The following SV2B variants were observed in gnomAD, a reference collection of about 807,000 sequenced individuals.
SV2B encodes synaptic vesicle glycoprotein 2B.
A neutral mutation model predicts 73.9 loss-of-function variants in SV2B; 41 were observed. The ratio of observed to expected loss-of-function variants is 0.56; its 90% CI spans 0.43 to 0.72. The LOEUF (loss-of-function observed/expected upper bound fraction) is 0.72, where lower values mean the gene tolerates loss of function less well. SV2B is among the 30% of genes least tolerant of loss of function. The pLI is 0.00. For missense variants in SV2B, 764 were observed against 857.8 expected, an observed-to-expected ratio of 0.89 and a Z score of 1.37; for synonymous variants, 314 against 314.2, an observed-to-expected ratio of 1.00 and a Z score of 0.01.
chr15:91,256,745 G>A (rs2047707140), intron 4 of SV2B, among the ~76,000 whole-genome samples: 1 of 152,204 alleles, frequency 6.6e-6, no homozygotes, highest in South Asian at 2.1e-4. Flanking sequence ...GGTCAAAGGT[G>A]TCCAAGGGAC....
intron 1 of SV2B, among the ~76,000 whole-genome samples, chr15:91,107,154 G>A (rs867749759): frequency 1.7e-4 from 26 of 152,130 alleles, no homozygotes; most frequent in Admixed American, 5.9e-4. Context: ...AATCCCAGAA[G>A]GAAGTGTGAG....
Position 91,290,699 on chromosome 15 carries a change from A to G in SV2B, c.1868+1019A>G, listed in dbSNP as rs182430891. 9.9e-4 allele frequency among the ~76,000 whole-genome samples: 151 copies of G among 152,344 alleles called. No homozygotes were observed. In the Middle Eastern group the frequency reaches 0.01, roughly 10 times the overall value. Reference sequence around the variant, plus strand: ...GTGAAACACTCAAATGAAGAAAACCATAAAGCTTTACTAAGAGATATAAAA... The same window carrying G: ...GTGAAACACTCAAATGAAGAAAACCGTAAAGCTTTACTAAGAGATATAAAA... On this transcript the variant is annotated intron_variant, in intron 12 of 12. Coordinates refer to ENST00000394232, the MANE Select transcript of SV2B (RefSeq NM_001323032.3). The surrounding 1 kb of genome is among the most constrained non-coding windows in gnomAD (Gnocchi z 4.7).
intron 2 of SV2B, among the ~76,000 whole-genome samples, chr15:91,237,968 G>T (rs900758271): frequency 6.6e-6 from 1 of 152,166 alleles, no homozygotes; most frequent in African/African-American, 2.4e-5. Context: ...AATGAGGGGA[G>T]TGTTGCTCAG....
At chr15:91,134,882 A>T (rs887724669) in intron 1 of SV2B, among the ~76,000 whole-genome samples, 1 of 151,898 alleles carries the variant, frequency 6.6e-6, no homozygotes, top group Non-Finnish European at 1.5e-5. Context: ...TTCTCAGCCT[A>T]CCTCTTTACC....
rs969614248 is a variant in SV2B, at chr15:91,121,856, G to A, written c.-392+21493G>A. On this transcript the variant is annotated intron_variant, in intron 1 of 12. Transcript: ENST00000394232. This position sits in a 1 kb window ranked among gnomAD's most constrained non-coding sequence, Gnocchi z 4.4. ...GTGGCGCGATCTCGGCTCACTGCAA[G>A]CTCTGCCTTCTGGGTTCACGCCATT... Among the ~76,000 whole-genome samples the A allele has an allele frequency of 2.0e-5, 3 of 150,808 alleles. No homozygotes were observed. Among genetic ancestry groups the A allele is most frequent in the East Asian group, 1.9e-4 (1 of 5,134 alleles).
intron 1 of SV2B, among the ~76,000 whole-genome samples, chr15:91,204,152 G>A (rs983756579): frequency 2.0e-5 from 3 of 152,130 alleles, no homozygotes; most frequent in East Asian, 3.8e-4. Context: ...TAGGGCGTGC[G>A]GGACTGCTCC....
chr15:91,181,248 C>T (rs2044545106), intron 1 of SV2B, among the ~76,000 whole-genome samples: 1 of 152,116 alleles, frequency 6.6e-6, no homozygotes, highest in Non-Finnish European at 1.5e-5. Flanking sequence ...GATTGTTCCT[C>T]TGGAAGTTTT....
chr15:91,244,748 C>T (rs2047158127), intron 2 of SV2B, among the ~76,000 whole-genome samples: 1 of 152,118 alleles, frequency 6.6e-6, no homozygotes, highest in Non-Finnish European at 1.5e-5. Context: ...AGAATACTAC[C>T]CTTCAAGGGG....
chr15:91,186,143 G>A (rs2044761444), intron 1 of SV2B, among the ~76,000 whole-genome samples: 1 of 152,122 alleles, frequency 6.6e-6, no homozygotes, highest in South Asian at 2.1e-4. Context: ...ACAAAAAAAG[G>A]CCTGGCCTAT....
chr15:91,197,806 G>T lies in SV2B; in HGVS notation c.-391-28067G>T, dbSNP rs1168440512. Among the ~76,000 whole-genome samples the T allele has an allele frequency of 6.6e-6, 1 of 152,042 alleles. No homozygotes were observed. The highest frequency in any genetic ancestry group is 1.5e-5 in the Non-Finnish European group (1 of 68,016). The stretch of plus-strand genomic sequence containing the variant: ...CCCAGCACTTTGGGAGGCCGAGATG[G>T]GTGGATCACCTGAGGTCAGGAGTTC... On this transcript the variant is annotated intron_variant, in intron 1 of 12. Coordinates refer to ENST00000394232, the MANE Select transcript of SV2B (RefSeq NM_001323032.3). This position sits in a 1 kb window ranked among gnomAD's most constrained non-coding sequence, Gnocchi z 4.9.
rs543059835 is a variant in SV2B, at chr15:91,195,132, G to A, written c.-391-30741G>A. Among the ~76,000 whole-genome samples the A allele has an allele frequency of 5.9e-5, 9 of 152,240 alleles. 2 individuals carry two copies. The South Asian group carries it at 1.9e-3, about 32-fold the overall frequency. ...GCCCTGGCTGATTCAGTAACTACTA[G>A]CCATGGATCTCTGAGCATGTCATGT... On this transcript the variant is annotated intron_variant, in intron 1 of 12. Coordinates refer to ENST00000394232, the MANE Select transcript of SV2B (RefSeq NM_001323032.3).
chr15:91,189,589 C>G (rs1025226451), intron 1 of SV2B, among the ~76,000 whole-genome samples: 6 of 152,116 alleles, frequency 3.9e-5, no homozygotes, highest in African/African-American at 1.4e-4. Context: ...ATCATGTTAC[C>G]ATCTCACACA....
At chr15:91,102,066 T>G (rs1190205890) in intron 1 of SV2B, 1 of 152,188 alleles carries the variant, frequency 6.6e-6, no homozygotes, top group Non-Finnish European at 1.5e-5. Flanking sequence ...CTCCCTTGAT[T>G]TTCCCTAAAT....
intron 1 of SV2B, among the ~76,000 whole-genome samples, chr15:91,201,321 CTAGAT>C (rs1258635519): frequency 6.6e-6 from 1 of 152,194 alleles, no homozygotes; most frequent in Non-Finnish European, 1.5e-5. Context: ...AGCCACTGTT[CTAGAT>C]ACTTTTACAT....
chr15:91,239,838 T>A lies in SV2B; in HGVS notation c.452-11981T>A, dbSNP rs183002034. 1.0e-3 allele frequency among the ~76,000 whole-genome samples: 154 copies of A among 152,344 alleles called. 2 individuals are homozygous for A. The highest frequency in any genetic ancestry group is 3.5e-3 in the African/African-American group (147 of 41,572). On this transcript the variant is annotated intron_variant, in intron 2 of 12. Transcript: ENST00000394232. This position sits in a 1 kb window ranked among gnomAD's most constrained non-coding sequence, Gnocchi z 5.1. The stretch of plus-strand genomic sequence containing the variant: ...GATGTCAGGGCATGAGGTTGGCATG[T>A]CTGCGATTCTCTTTACTTTCCATGG...
chr15:91,290,229 G>A lies in SV2B; in HGVS notation c.1868+549G>A, dbSNP rs2048996820. Among the ~76,000 whole-genome samples the A allele has an allele frequency of 2.6e-5, 4 of 152,208 alleles. No individual in the cohort carries two copies. In the South Asian group the frequency reaches 8.3e-4, roughly 31 times the overall value. ...TTGTTTTTCTTCGTGGAGGGGAATT[G>A]TAAAGTTTAAAGGAGAAGATAAGAG... On this transcript the variant is annotated intron_variant, in intron 12 of 12. Transcript: ENST00000394232. The surrounding 1 kb of genome is among the most constrained non-coding windows in gnomAD (Gnocchi z 4.7).
rs3082222 is a variant in SV2B, at chr15:91,258,923, C to CAA, written c.918+387_918+388dup. ...GCTACACAGGGAGACCTCATCTCTA[C>CAA]AAAAAAAAAAAAAAAAAAATTAGTT... On this transcript the variant is annotated intron_variant, in intron 5 of 12. Coordinates refer to ENST00000394232, the MANE Select transcript of SV2B (RefSeq NM_001323032.3). The surrounding 1 kb of genome is among the most constrained non-coding windows in gnomAD (Gnocchi z 4.7). 8.1e-4 allele frequency among the ~76,000 whole-genome samples: 72 copies of CAA among 89,176 alleles called. No individual in the cohort carries two copies. The highest frequency in any genetic ancestry group is 2.3e-3 in the African/African-American group (64 of 27,638). 58.5% of individuals were successfully genotyped at this position (89,176 alleles called of 152,430 possible).
chr15:91,218,012 A>G (rs2046092014), intron 1 of SV2B, among the ~76,000 whole-genome samples: 2 of 152,232 alleles, frequency 1.3e-5, no homozygotes, highest in South Asian at 2.1e-4. Flanking sequence ...ACTAAAGTAA[A>G]AGGTATTCTT....
chr15:91,292,219 T>A lies in SV2B; in HGVS notation c.1869-150T>A, dbSNP rs1030832509. 6 of 653,572 alleles carry A rather than the reference T, an allele frequency of 9.2e-6. No homozygotes were observed. The Admixed American group carries it at 1.4e-4, about 15-fold the overall frequency. The allele number at this position is 653,572 out of a possible 1,614,324, so 40.5% of individuals were successfully genotyped here. ...TTTATATTATTCTGTATTTCCAAAT[T>A]TGACTACAATGAGAATGTGTTATTT... On this transcript the variant is annotated intron_variant, in intron 12 of 12. Transcript: ENST00000394232.
Sources: gnomAD v4.1 joint callset for allele counts (sites outside exome capture counted in the v4.1 genomes callset) on GRCh38, gnomAD v4.1.1 for gene constraint, Gnocchi (gnomAD v3.1) non-coding constraint, MANE v1.5 for transcripts, NCBI Gene and HGNC (gene_info 2026-07-23, HGNC 2026-07-21) for gene names.